ZNF385B: variants seen among roughly 807,000 people sequenced by gnomAD.
ZNF385B encodes the protein zinc finger protein 533.
In ZNF385B, 23 loss-of-function variants were observed where a neutral mutation model predicts 39.2. The observed-to-expected ratio is 0.59, with a 90% CI of 0.42 to 0.83. ZNF385B has a LOEUF of 0.83. Ranked by LOEUF, ZNF385B falls within the 40% of genes least tolerant of loss-of-function variation. The pLI is 0.00. For synonymous variants in ZNF385B, 205 were observed against 222.6 expected, an observed-to-expected ratio of 0.92 and a Z score of 0.70; for missense variants, 552 against 598.9, an observed-to-expected ratio of 0.92 and a Z score of 0.82.
intron 1 of ZNF385B, among the ~76,000 whole-genome samples, chr2:179,833,824 T>C (rs1375384072): frequency 1.3e-5 from 2 of 151,786 alleles, no homozygotes; most frequent in South Asian, 2.1e-4. Context: ...CAGAAGAAAA[T>C]AGAAAAAGAA....
chr2:179,702,920 G>A (rs1407574665), intron 3 of ZNF385B, among the ~76,000 whole-genome samples: 1 of 152,116 alleles, frequency 6.6e-6, no homozygotes, highest in East Asian at 1.9e-4. Flanking sequence ...ATCTTCAAAA[G>A]GAATCCACAA....
intron 3 of ZNF385B, among the ~76,000 whole-genome samples, chr2:179,683,731 C>G (rs1697713086): frequency 6.6e-6 from 1 of 152,146 alleles, no homozygotes; most frequent in Non-Finnish European, 1.5e-5. Context: ...CCGCCTCGGC[C>G]TCCCAAAGTG....
At chr2:179,685,562 T>C (rs954057444) in intron 3 of ZNF385B, among the ~76,000 whole-genome samples, 1 of 152,194 alleles carries the variant, frequency 6.6e-6, no homozygotes, top group Non-Finnish European at 1.5e-5. Context: ...TGGAAGTCAA[T>C]ACCCATTCAT....
intron 3 of ZNF385B, among the ~76,000 whole-genome samples, chr2:179,658,255 AG>A (rs1694027259): frequency 6.6e-6 from 1 of 152,216 alleles, no homozygotes; most frequent in Non-Finnish European, 1.5e-5. Flanking sequence ...TTCCAGAGGC[AG>A]GGATCATTCT....
At chr2:179,525,045 G>A (rs945688587) in intron 4 of ZNF385B, among the ~76,000 whole-genome samples, 1 of 151,872 alleles carries the variant, frequency 6.6e-6, no homozygotes, top group African/African-American at 2.4e-5. Context: ...TTTAACAAAC[G>A]AGGAATCAAA....
chr2:179,722,268 A>G (rs1700741530), intron 3 of ZNF385B, among the ~76,000 whole-genome samples: 1 of 152,176 alleles, frequency 6.6e-6, no homozygotes, highest in Admixed American at 6.5e-5. Flanking sequence ...TTTGCATGGA[A>G]AAGCAAATGG....
chr2:179,783,080 T>C (rs751027495), intron 1 of ZNF385B, among the ~76,000 whole-genome samples: 3 of 152,038 alleles, frequency 2.0e-5, no homozygotes, highest in Admixed American at 1.3e-4. Context: ...CAACTTCAAA[T>C]TATCCTACAG....
rs996687268 is a variant in ZNF385B at position 179,811,452 on chromosome 2, T to C, written c.-154-40780A>G. Among the ~76,000 whole-genome samples the C allele has an allele frequency of 4.6e-5, 7 of 151,998 alleles. 1 individual carries two copies. Among genetic ancestry groups the C allele is most frequent in the Admixed American group, 6.6e-5 (1 of 15,258 alleles). ...CAAAACAGTGTGGTACAAAAACAGA[T>C]TCACAGATCAATGTAACTGAATAGA... is the stretch of plus-strand genomic sequence containing the variant. On this transcript the variant is annotated intron_variant, in intron 1 of 9. Coordinates refer to ENST00000410066, the MANE Select transcript of ZNF385B (RefSeq NM_152520.6).
chr2:179,680,631 T>TA (rs1697431979), intron 3 of ZNF385B, among the ~76,000 whole-genome samples: 1 of 152,194 alleles, frequency 6.6e-6, no homozygotes, highest in Non-Finnish European at 1.5e-5. Flanking sequence ...TGTTCGCAGG[T>TA]ATGTTATACT....
chr2:179,736,964 G>A (rs902116869), intron 3 of ZNF385B, among the ~76,000 whole-genome samples: 2 of 152,156 alleles, frequency 1.3e-5, no homozygotes, highest in East Asian at 1.9e-4. Context: ...GCGAGGCTCC[G>A]TCTCCAAACA....
At chr2:179,812,559 C>T (rs900608153) in intron 1 of ZNF385B, among the ~76,000 whole-genome samples, 2 of 152,124 alleles carry the variant, frequency 1.3e-5, no homozygotes, top group Non-Finnish European at 2.9e-5. Context: ...CCAAACATTG[C>T]ATGTTCTCAC....
At chr2:179,854,742 G>A (rs960280841) in intron 1 of ZNF385B, among the ~76,000 whole-genome samples, 5 of 152,092 alleles carry the variant, frequency 3.3e-5, no homozygotes, top group African/African-American at 7.2e-5. Flanking sequence ...AGAAGAATTC[G>A]CTCATTATCT....
chr2:179,593,936 C>G (rs1023691364), intron 3 of ZNF385B, among the ~76,000 whole-genome samples: 1 of 152,090 alleles, frequency 6.6e-6, no homozygotes, highest in African/African-American at 2.4e-5. Context: ...TGAAGTAGTC[C>G]CCTTCTCCCA....
At chr2:179,719,583 C>A (rs1325592773) in intron 3 of ZNF385B, among the ~76,000 whole-genome samples, 1 of 152,192 alleles carries the variant, frequency 6.6e-6, no homozygotes. Flanking sequence ...TTGGTATGAC[C>A]AGCAGTGGTT....
At chr2:179,459,875 G>T (rs776521608) in intron 6 of ZNF385B, among the ~76,000 whole-genome samples, 2 of 151,386 alleles carry the variant, frequency 1.3e-5, no homozygotes, top group Non-Finnish European at 2.9e-5. Context: ...AAGCTGAGGC[G>T]GGTGGATCAC....
intron 3 of ZNF385B, among the ~76,000 whole-genome samples, chr2:179,589,121 T>C (rs1242779656): frequency 6.6e-6 from 1 of 152,204 alleles, no homozygotes; most frequent in Non-Finnish European, 1.5e-5. Context: ...ATAATAATCA[T>C]ACCCAAGCAC....
intron 6 of ZNF385B, among the ~76,000 whole-genome samples, chr2:179,467,041 A>G (rs994228155): frequency 6.6e-6 from 1 of 151,066 alleles, no homozygotes; most frequent in Non-Finnish European, 1.5e-5. Context: ...AATTTCCCCT[A>G]CTCTTTAGGT....
chr2:179,577,990 A>G (rs903087029), intron 3 of ZNF385B, among the ~76,000 whole-genome samples: 5 of 152,078 alleles, frequency 3.3e-5, no homozygotes, highest in Non-Finnish European at 5.9e-5. Context: ...TAATTACATA[A>G]TCATATGCTA....
rs185653268 is a variant in ZNF385B, at chr2:179,588,120, G to T, written c.299-43151C>A. 1.2e-4 allele frequency among the ~76,000 whole-genome samples: 18 copies of T among 152,006 alleles called. No individual in the cohort carries two copies. The East Asian group carries it at 2.9e-3, about 25-fold the overall frequency. On this transcript the variant is annotated intron_variant, in intron 3 of 9. Transcript: ENST00000410066. ...TTTTTTCCCCCCAAGACAGAGTCTC[G>T]CTCTGTCGCCCAGGCTGGAGTGCAG...
Sources: gnomAD v4.1 joint callset for allele counts (sites outside exome capture counted in the v4.1 genomes callset) on GRCh38, gnomAD v4.1.1 for gene constraint, MANE v1.5 for transcripts, NCBI Gene and HGNC (gene_info 2026-07-23, HGNC 2026-07-21) for gene names.